The following CSMD3 variants were observed in gnomAD, a reference collection of about 807,000 sequenced individuals.
CSMD3 encodes the protein CUB and sushi domain-containing protein 3.
CSMD3 carries 177 observed loss-of-function variants against 435.2 expected under a neutral mutation model. That is an observed-to-expected ratio of 0.41 (90% CI 0.36 to 0.46). The LOEUF is 0.46. CSMD3 is among the 20% of genes least tolerant of loss of function. CSMD3 has a pLI of 0.34. For missense variants in CSMD3, 4,265 were observed against 4,504.6 expected (o/e 0.95, Z 1.52); for synonymous variants, 1,656 against 1,520.5 (o/e 1.09, Z -2.07).
intron 32 of CSMD3, among the ~76,000 whole-genome samples, chr8:112,460,514 C>T (rs1817340803): frequency 8.0e-6 from 1 of 124,752 alleles, no homozygotes; most frequent in African/African-American, 2.8e-5. Context: ...AATTAAACTA[C>T]CTTCAAGAAG....
intron 68 of CSMD3, among the ~76,000 whole-genome samples, chr8:112,234,065 A>T (rs997546900): frequency 3.3e-5 from 5 of 151,492 alleles, no homozygotes; most frequent in Non-Finnish European, 5.9e-5. Context: ...ATCAGTGAAA[A>T]ACTAAATGCA....
chr8:113,036,928 C>T (rs1002901773), intron 5 of CSMD3, among the ~76,000 whole-genome samples: 1 of 151,976 alleles, frequency 6.6e-6, no homozygotes, highest in African/African-American at 2.4e-5. Flanking sequence ...GTGAACTATG[C>T]ATATATTTTG....
chr8:112,622,137 G>T (rs540458260), intron 22 of CSMD3, among the ~76,000 whole-genome samples: 19 of 152,074 alleles, frequency 1.2e-4, no homozygotes, highest in Non-Finnish European at 2.4e-4. Context: ...CCAGGAATTG[G>T]GATCTTATTA....
At chr8:112,736,057 C>A (rs1408122973) in intron 13 of CSMD3, among the ~76,000 whole-genome samples, 1 of 151,926 alleles carries the variant, frequency 6.6e-6, no homozygotes, top group Non-Finnish European at 1.5e-5. Flanking sequence ...ACTTTAGGAG[C>A]CTAGTTCATG....
At chr8:112,283,028 T>A (rs983198616) in intron 58 of CSMD3, among the ~76,000 whole-genome samples, 20 of 152,044 alleles carry the variant, frequency 1.3e-4, no homozygotes, top group African/African-American at 4.8e-4. Flanking sequence ...CCAAAATTAT[T>A]TACTTCTCAC....
chr8:113,118,648 C>A (rs1336709766), intron 4 of CSMD3, among the ~76,000 whole-genome samples: 55 of 152,106 alleles, frequency 3.6e-4, no homozygotes, highest in Admixed American at 3.5e-3. Context: ...GGTAACAGAG[C>A]CACACCCTGT....
intron 2 of CSMD3, among the ~76,000 whole-genome samples, chr8:113,289,958 A>G (rs1352195708): frequency 6.6e-6 from 1 of 151,714 alleles, no homozygotes; most frequent in African/African-American, 2.4e-5. Flanking sequence ...AAAACATGAA[A>G]TTTACACAAC....
At chr8:112,876,758 G>T (rs2081294254) in intron 10 of CSMD3, among the ~76,000 whole-genome samples, 1 of 152,014 alleles carries the variant, frequency 6.6e-6, no homozygotes, top group South Asian at 2.1e-4. Context: ...TTCTGGCCAG[G>T]GAAATCAGGC....
At chr8:113,085,883 A>C (rs2089748414) in intron 5 of CSMD3, among the ~76,000 whole-genome samples, 1 of 152,176 alleles carries the variant, frequency 6.6e-6, no homozygotes, top group African/African-American at 2.4e-5. Flanking sequence ...AATATAGTTA[A>C]CAATAATTCA....
intron 13 of CSMD3, among the ~76,000 whole-genome samples, chr8:112,716,894 C>G (rs919963528): frequency 5.9e-5 from 9 of 152,070 alleles, no homozygotes; most frequent in Admixed American, 5.9e-4. Flanking sequence ...TGAAGCTGGA[C>G]CCCTTCCTTA....
At chr8:113,204,296 A>G (rs1010806668) in intron 3 of CSMD3, among the ~76,000 whole-genome samples, 2 of 152,124 alleles carry the variant, frequency 1.3e-5, no homozygotes, top group Admixed American at 1.3e-4. Flanking sequence ...GTATTTCCCT[A>G]TATCACAGAA....
intron 41 of CSMD3, among the ~76,000 whole-genome samples, chr8:112,343,027 A>G (rs1825325547): frequency 7.0e-6 from 1 of 142,822 alleles, no homozygotes; most frequent in Admixed American, 7.2e-5. Context: ...TTATATATAT[A>G]TATATAGTTT....
chr8:112,998,717 A>T (rs113919749), intron 6 of CSMD3, among the ~76,000 whole-genome samples: 1 of 138,076 alleles, frequency 7.2e-6, no homozygotes, highest in Non-Finnish European at 1.7e-5. Context: ...TAAATTTTCA[A>T]TCCCCAGTAT....
intron 24 of CSMD3, among the ~76,000 whole-genome samples, chr8:112,566,658 T>C (rs1002088954): frequency 2.0e-5 from 3 of 152,044 alleles, no homozygotes; most frequent in Admixed American, 6.6e-5. Context: ...CATGGGTGAA[T>C]GCTGGCAGTT....
At chr8:112,306,650 T>C (rs1307653756) in intron 50 of CSMD3, among the ~76,000 whole-genome samples, 1 of 152,150 alleles carries the variant, frequency 6.6e-6, no homozygotes, top group East Asian at 1.9e-4. Flanking sequence ...ATAAATCAAA[T>C]AGATTTATTT....
intron 32 of CSMD3, among the ~76,000 whole-genome samples, chr8:112,410,676 G>GTATATATATATATGTA (rs369954404): frequency 2.2e-5 from 1 of 44,896 alleles, no homozygotes; most frequent in African/African-American, 8.4e-5. Flanking sequence ...ATATATATGT[G>GTATATATATATATGTA]TATATATATA....
chr8:113,340,202 C>A (rs1012922320), intron 1 of CSMD3, among the ~76,000 whole-genome samples: 1 of 151,618 alleles, frequency 6.6e-6, no homozygotes, highest in Admixed American at 6.6e-5. Flanking sequence ...GTTTTGTATT[C>A]TCTTAGGAAG....
intron 9 of CSMD3, among the ~76,000 whole-genome samples, chr8:112,941,718 G>A (rs974551611): frequency 6.6e-6 from 1 of 151,442 alleles, no homozygotes; most frequent in African/African-American, 2.4e-5. Context: ...GTGTATATGT[G>A]GATATATATC....
intron 22 of CSMD3, among the ~76,000 whole-genome samples, chr8:112,611,184 C>CCT (rs1833230471): frequency 6.6e-6 from 1 of 152,114 alleles, no homozygotes; most frequent in Non-Finnish European, 1.5e-5. Flanking sequence ...AGAAATGCCA[C>CCT]GCATAATGCA....
Sources: allele counts gnomAD v4.1 joint callset (sites outside exome capture counted in the v4.1 genomes callset), GRCh38; gene constraint gnomAD v4.1.1; transcripts MANE v1.5; gene names NCBI Gene and HGNC (gene_info 2026-07-23, HGNC 2026-07-21).